TRPM6: variants seen among roughly 807,000 people sequenced by gnomAD.
TRPM6 encodes the protein transient receptor potential cation channel subfamily M member 6, also known as channel kinase 2.
Under a neutral mutation model 247.6 loss-of-function variants are expected in TRPM6, and 111 were observed. The observed-to-expected ratio is 0.45, with a 90% confidence interval of 0.38 to 0.52. TRPM6 has a LOEUF of 0.52. Among genes scored for constraint, TRPM6 ranks in the 20% least tolerant of loss-of-function variants. The pLI is 0.00. For synonymous variants in TRPM6, 892 were observed against 853.8 expected, an observed-to-expected ratio of 1.04 and a Z score of -0.78; for missense variants, 2,126 against 2,421.5, an observed-to-expected ratio of 0.88 and a Z score of 2.56.
chr9:74,861,475 T>A (rs76588699), intron 1 of TRPM6, among the ~76,000 whole-genome samples: 2,779 of 152,304 alleles, frequency 0.018, 76 homozygotes, highest in African/African-American at 0.062. Flanking sequence ...TAAAAGGGTA[T>A]CTAATGTAGA....
At chr9:74,882,047 A>C (rs1172032762) in intron 1 of TRPM6, among the ~76,000 whole-genome samples, 4 of 152,204 alleles carry the variant, frequency 2.6e-5, no homozygotes, top group African/African-American at 9.6e-5. Context: ...TACAAAAATC[A>C]ACTCAAGATG....
intron 1 of TRPM6, among the ~76,000 whole-genome samples, chr9:74,872,601 T>TGTGTGTGTGTGTG (rs1831061015): frequency 6.6e-4 from 1 of 1,518 alleles, no homozygotes; most frequent in African/African-American, 1.2e-3. Flanking sequence ...CAGCAAATTT[T>TGTGTGTGTGTGTG]GTGTGTGTGT....
chr9:74,737,208 T>C (rs1027327360), intron 36 of TRPM6: 6 of 170,202 alleles, frequency 3.5e-5, no homozygotes, highest in South Asian at 1.9e-4. Flanking sequence ...TTGAATTAAA[T>C]ATAATTCAAC....
intron 9 of TRPM6, among the ~76,000 whole-genome samples, chr9:74,818,339 G>A (rs1471422367): frequency 1.9e-5 from 1 of 53,830 alleles, no homozygotes; most frequent in Non-Finnish European, 3.3e-5. Context: ...TTTTGCTCTT[G>A]TTGCCCAGGC....
At chr9:74,802,316 C>T (rs1157338283) in intron 15 of TRPM6, 141 bp from the exon 16 acceptor site, 1 of 798,570 alleles carries the variant, frequency 1.3e-6, no homozygotes, top group Non-Finnish European at 2.0e-6. Context: ...ATTTTACAAG[C>T]CAGCAAGCAA....
intron 29 of TRPM6, among the ~76,000 whole-genome samples, chr9:74,751,480 G>A (rs557194836): frequency 1.3e-5 from 2 of 152,288 alleles, no homozygotes; most frequent in South Asian, 2.1e-4. Context: ...ATCTTTCACA[G>A]ATGCTATTCC....
chr9:74,882,754 T>C (rs573281126), intron 1 of TRPM6, among the ~76,000 whole-genome samples: 2 of 152,230 alleles, frequency 1.3e-5, no homozygotes, highest in Non-Finnish European at 2.9e-5. Context: ...GCATTCCCAC[T>C]ACTGAGTATT....
intron 14 of TRPM6, among the ~76,000 whole-genome samples, chr9:74,806,510 T>G (rs1318131414): frequency 6.6e-6 from 1 of 152,172 alleles, no homozygotes; most frequent in Non-Finnish European, 1.5e-5. Context: ...TGAAGACTTT[T>G]TAAAGGCAAC....
intron 15 of TRPM6, 69 bp from the exon 16 acceptor site, chr9:74,802,244 C>T (rs1053318135): frequency 1.1e-5 from 15 of 1,411,054 alleles, no homozygotes; most frequent in Non-Finnish European, 1.5e-5. Context: ...TAATTCAACA[C>T]AGCAGGTGTC....
chr9:74,875,766 C>A (rs980442763), intron 1 of TRPM6, among the ~76,000 whole-genome samples: 6 of 151,996 alleles, frequency 3.9e-5, no homozygotes, highest in Non-Finnish European at 7.4e-5. Flanking sequence ...TTTCTCTGGG[C>A]CAGATAAGGA....
chr9:74,756,254 T>C (rs1361418106), intron 27 of TRPM6, among the ~76,000 whole-genome samples: 1 of 152,218 alleles, frequency 6.6e-6, no homozygotes, highest in Non-Finnish European at 1.5e-5. Context: ...GGTTCTTTTA[T>C]GTAATTGTCT....
At chr9:74,749,583 G>C (rs1007076242) in intron 30 of TRPM6, among the ~76,000 whole-genome samples, 2 of 152,212 alleles carry the variant, frequency 1.3e-5, no homozygotes, top group African/African-American at 4.8e-5. Flanking sequence ...GCTGCTAAAT[G>C]TTCACAGGCT....
intron 3 of TRPM6, among the ~76,000 whole-genome samples, 174 bp from the exon 4 acceptor site, chr9:74,842,517 G>A (rs1183371695): frequency 5.9e-5 from 9 of 152,120 alleles, no homozygotes; most frequent in Admixed American, 5.9e-4. Flanking sequence ...AACACTATTA[G>A]TGGTTCTCTC....
At position 74,803,843 on chromosome 9, in the gene TRPM6, C is replaced by G. The variant is rs1158170768; in HGVS notation, c.1682G>C (p.Ser561Thr). ...TCTAATGAACTGGGAGTGCAGCGTA[C>G]TTTCTGCAGACTCATTTCTATTTCC... ...SSGNRNESAE[S>T]TLHSQFIRTA... The change falls in exon 15 of 39, where the codon AGT becomes ACT. Residue 561 changes from serine (S) to threonine (T), a missense_variant. Transcript: ENST00000360774. 1 of 1,613,752 alleles carries G rather than the reference C, an allele frequency of 6.2e-7. No homozygotes were observed. Among genetic ancestry groups the G allele is most frequent in the African/African-American group, 1.3e-5 (1 of 74,908 alleles).
chr9:74,765,323 GA>G (rs1243769403), intron 25 of TRPM6, among the ~76,000 whole-genome samples: 4 of 146,706 alleles, frequency 2.7e-5, no homozygotes, highest in Non-Finnish European at 6.0e-5. Context: ...TAATTAATTG[GA>G]GAAAATATTT....
In TRPM6 at chr9:74,762,023, A is replaced by G. The variant is rs753105536; in HGVS notation, c.4648T>C (p.Leu1550=). ...HSFRFHKEEK[L]MKICKIKNLS... is the part of the protein sequence containing the mutation. ...CTTTTAATCTTACAGATCTTCATCA[A>G]TTTCTCCTCCTTATGGAATCTAAAA... Residue 1550 remains leucine (L), a synonymous_variant, in exon 26 of 39, where the codon TTG becomes CTG. Coordinates refer to ENST00000360774, the MANE Select transcript of TRPM6 (RefSeq NM_017662.5). 1.9e-6 allele frequency: 3 copies of G among 1,614,026 alleles called. No individual in the cohort carries two copies. Among genetic ancestry groups the G allele is most frequent in the African/African-American group, 2.7e-5 (2 of 74,918 alleles).
chr9:74,886,149 C>T (rs1831521297), intron 1 of TRPM6, among the ~76,000 whole-genome samples: 1 of 152,164 alleles, frequency 6.6e-6, no homozygotes, highest in Non-Finnish European at 1.5e-5. Context: ...TATTCATGCC[C>T]TTGTCTATCA....
chr9:74,782,684 A>G lies in TRPM6; in HGVS notation c.3089T>C (p.Ile1030Thr), dbSNP rs746692169. ...MIYGEVYAGE[I>T]DVCSSQPSCP... ...CGGTAAAATCCCATACACACCATCT[A>G]TTTCTCCAGCATAGACTTCTCCGTA... is the stretch of plus-strand genomic sequence containing the variant. The change falls in exon 22 of 39, where the codon ATA becomes ACA. Residue 1030 changes from isoleucine (I) to threonine (T), a missense_variant. By Grantham distance (89) the Ile-to-Thr change is moderately conservative. Transcript: ENST00000360774. The G allele has an allele frequency of 1.5e-5, 24 of 1,614,038 alleles. No homozygotes were observed. Among genetic ancestry groups the G allele is most frequent in the Non-Finnish European group, 1.4e-5 (17 of 1,180,014 alleles).
At chr9:74,783,536 G>A (rs755210279) in intron 21 of TRPM6, among the ~76,000 whole-genome samples, 1 of 152,112 alleles carries the variant, frequency 6.6e-6, no homozygotes, top group Non-Finnish European at 1.5e-5. Context: ...CCCTACCATA[G>A]ACCTTAGGAG....
Sources: allele counts gnomAD v4.1 joint callset (sites outside exome capture counted in the v4.1 genomes callset), GRCh38; gene constraint gnomAD v4.1.1; transcripts MANE v1.5; gene names NCBI Gene and HGNC (gene_info 2026-07-23, HGNC 2026-07-21).